ITPR1: variants seen among roughly 807,000 people sequenced by gnomAD.
ITPR1 encodes the protein inositol 1,4,5-trisphosphate receptor type 1, also known as inositol 1,4,5-trisphosphate-gated calcium channel ITPR1.
A neutral mutation model predicts 318.4 loss-of-function variants in ITPR1; 96 were observed. That is an observed-to-expected ratio of 0.30 (90% CI 0.26 to 0.36). The LOEUF (loss-of-function observed/expected upper bound fraction) is 0.36. Among genes scored for constraint, ITPR1 ranks in the 10% least tolerant of loss-of-function variants. The pLI is 1.00. For missense variants in ITPR1, 2,440 were observed against 3,460.2 expected, an observed-to-expected ratio of 0.71 and a Z score of 7.40; for synonymous variants, 1,312 against 1,289.9, an observed-to-expected ratio of 1.02 and a Z score of -0.37.
Position 4,710,336 on chromosome 3 carries a change from C to A in ITPR1, c.4854C>A (p.Ser1618=). Residue 1618 remains serine (S), a synonymous_variant, in exon 38 of 62, where the codon TCC becomes TCA. Coordinates refer to ENST00000649015, the MANE Select transcript of ITPR1 (RefSeq NM_001378452.1). The surrounding 1 kb of genome is among the most constrained non-coding windows in gnomAD (Gnocchi z 4.2). ...NIIERLQDIV[S]ALEDRLRPLV... is the part of the protein sequence containing the mutation. ...TGTTTCCGTTTTAGGACATCGTCTC[C>A]GCGCTGGAGGACCGTCTCAGGCCCC... The A allele has an allele frequency of 6.4e-7, 1 of 1,560,426 alleles. No individual in the cohort carries two copies. The highest frequency in any genetic ancestry group is 8.7e-7 in the Non-Finnish European group (1 of 1,149,084).
chr3:4,593,271 G>C (rs956218496), intron 4 of ITPR1, among the ~76,000 whole-genome samples: 2 of 152,050 alleles, frequency 1.3e-5, no homozygotes. Context: ...CTGAAGTTTC[G>C]TGAACTTAGA....
At chr3:4,556,500 ATT>A (rs200955422) in intron 4 of ITPR1, among the ~76,000 whole-genome samples, 2 of 142,204 alleles carry the variant, frequency 1.4e-5, no homozygotes, top group African/African-American at 2.6e-5. Flanking sequence ...GCAACTACTG[ATT>A]TTTTTTTTTT....
intron 39 of ITPR1, among the ~76,000 whole-genome samples, chr3:4,717,063 G>T (rs906905107): frequency 6.6e-6 from 1 of 152,194 alleles, no homozygotes; most frequent in South Asian, 2.1e-4. Context: ...CTCCCAGCTC[G>T]GTTCATGTTT....
intron 59 of ITPR1, 129 bp from the exon 60 acceptor site, chr3:4,817,953 C>A (rs2049416949): frequency 2.9e-6 from 2 of 679,304 alleles, no homozygotes; most frequent in Non-Finnish European, 4.7e-6. Context: ...ATAAGGCCGA[C>A]AGAATCCAAC....
chr3:4,591,465 T>A (rs1381760452), intron 4 of ITPR1, among the ~76,000 whole-genome samples: 3 of 152,244 alleles, frequency 2.0e-5, no homozygotes, highest in African/African-American at 7.2e-5. Flanking sequence ...GATCTGCATT[T>A]CTCTAATGAT....
At chr3:4,665,426 C>A in intron 17 of ITPR1, 130 bp downstream of exon 17, 1 of 784,288 alleles carries the variant, frequency 1.3e-6, no homozygotes, top group Non-Finnish European at 1.9e-6. Context: ...GTTGAGCTTG[C>A]TCTTGGGAAG....
At chr3:4,502,759 A>C (rs2081116824) in intron 2 of ITPR1, among the ~76,000 whole-genome samples, 1 of 151,984 alleles carries the variant, frequency 6.6e-6, no homozygotes, top group South Asian at 2.1e-4. Context: ...TCTCCTGATT[A>C]AATATTTCTT....
At chr3:4,683,941 G>A in intron 28 of ITPR1, 143 bp downstream of exon 28, 2 of 798,266 alleles carry the variant, frequency 2.5e-6, no homozygotes, top group Non-Finnish European at 4.0e-6. Flanking sequence ...ATCACAAGCT[G>A]TTTGCCTAGG....
chr3:4,656,519 A>C (rs7643701), intron 12 of ITPR1, among the ~76,000 whole-genome samples: 3 of 152,082 alleles, frequency 2.0e-5, no homozygotes, highest in African/African-American at 7.3e-5. Context: ...AGGGATGAGC[A>C]ATTAGAGGAG....
Position 4,553,577 on chromosome 3 carries a change from C to T in ITPR1, c.163+32483C>T, listed in dbSNP as rs184009676. 7.4e-4 allele frequency among the ~76,000 whole-genome samples: 111 copies of T among 150,486 alleles called. 1 individual carries two copies. Among genetic ancestry groups the T allele is most frequent in the Admixed American group, 7.2e-3 (108 of 15,018 alleles). On this transcript the variant is annotated intron_variant, in intron 4 of 61. Coordinates refer to ENST00000649015, the MANE Select transcript of ITPR1 (RefSeq NM_001378452.1). ...TCCTGAGTAGCTGGGACTACAAGCG[C>T]GTGCCACCACGCCTGGATAATTTCT... is the stretch of plus-strand genomic sequence containing the variant.
intron 7 of ITPR1, among the ~76,000 whole-genome samples, chr3:4,642,845 A>G (rs1037190662): frequency 5.3e-5 from 8 of 152,256 alleles, no homozygotes; most frequent in African/African-American, 1.9e-4. Context: ...TTAGTCAGCC[A>G]TTACGTGGGC....
At chr3:4,668,887 A>G (rs930298469) in intron 18 of ITPR1, among the ~76,000 whole-genome samples, 16 of 152,188 alleles carry the variant, frequency 1.1e-4, no homozygotes, top group African/African-American at 3.9e-4. Context: ...AGTGAATTCT[A>G]TTGATTGTAT....
chr3:4,600,936 A>G (rs1270470842), intron 4 of ITPR1, among the ~76,000 whole-genome samples: 1 of 152,192 alleles, frequency 6.6e-6, no homozygotes, highest in African/African-American at 2.4e-5. Flanking sequence ...GTTCAGAGAT[A>G]TTCATTCATT....
intron 44 of ITPR1, among the ~76,000 whole-genome samples, chr3:4,745,830 A>G (rs1354323391): frequency 1.3e-5 from 2 of 151,718 alleles, no homozygotes; most frequent in South Asian, 2.1e-4. Context: ...CCTCCATTCT[A>G]TTTGCCCTCT....
Position 4,744,958 on chromosome 3 carries a change from CTCCT to C in ITPR1, c.5544+9615_5544+9618del, listed in dbSNP as rs1407565995. Among the ~76,000 whole-genome samples, 6 of 116,620 alleles carry C rather than the reference CTCCT, an allele frequency of 5.1e-5. No individual in the cohort carries two copies. In the Admixed American group the frequency reaches 5.3e-4, roughly 10 times the overall value. 76.5% of individuals were successfully genotyped at this position (116,620 alleles called of 152,430 possible). A position where few individuals can be genotyped will look rare whatever the true frequency, so the allele number is the denominator to read the frequency against. ...CTTCCTTCCTTCCTTCCCTCCCTCC[CTCCT>C]TCCTTCCTTCGTTCCCCTCTTTCCC... On this transcript the variant is annotated intron_variant, in intron 44 of 61. Transcript: ENST00000649015.
At chr3:4,760,829 T>G (rs1316647902) in intron 44 of ITPR1, among the ~76,000 whole-genome samples, 4 of 152,184 alleles carry the variant, frequency 2.6e-5, no homozygotes, top group African/African-American at 9.7e-5. Flanking sequence ...CAGCGAAGGC[T>G]CCTTGTAATT....
At chr3:4,708,362 C>T (rs2094802236) in intron 37 of ITPR1, among the ~76,000 whole-genome samples, 1 of 152,156 alleles carries the variant, frequency 6.6e-6, no homozygotes, top group African/African-American at 2.4e-5. Flanking sequence ...TGAAACCCTG[C>T]TCTTATGAGC....
At chr3:4,572,106 A>G (rs1279590390) in intron 4 of ITPR1, among the ~76,000 whole-genome samples, 2 of 152,156 alleles carry the variant, frequency 1.3e-5, no homozygotes, top group African/African-American at 4.8e-5. Flanking sequence ...TACTTTGCTT[A>G]TTGAGCGGGT....
chr3:4,592,144 G>A (rs539266486), intron 4 of ITPR1, among the ~76,000 whole-genome samples: 9 of 152,258 alleles, frequency 5.9e-5, no homozygotes, highest in Admixed American at 2.0e-4. Context: ...AGGGAACTAC[G>A]TCAGTCCTGT....
Sources: allele counts gnomAD v4.1 joint callset (sites outside exome capture counted in the v4.1 genomes callset), GRCh38; gene constraint gnomAD v4.1.1; non-coding constraint Gnocchi (gnomAD v3.1); transcripts MANE v1.5; gene names NCBI Gene and HGNC (gene_info 2026-07-23, HGNC 2026-07-21).